Variants in SLC9A7 observed in about 807,000 individuals in gnomAD.
SLC9A7 encodes solute carrier family 9 member A7.
In SLC9A7, 19 loss-of-function variants were observed where a neutral mutation model predicts 52.6. The observed-to-expected ratio is 0.36, with a 90% CI of 0.25 to 0.53. SLC9A7 has a LOEUF of 0.53. SLC9A7 is among the 20% of genes least tolerant of loss of function. SLC9A7 has a pLI of 0.91. For synonymous variants in SLC9A7, 226 were observed against 252.1 expected (o/e 0.90, Z 0.98); for missense variants, 455 against 597.9 (o/e 0.76, Z 2.49).
At chrX:46,727,229 A>T (rs1270566025) in intron 1 of SLC9A7, among the ~76,000 whole-genome samples, 1 of 112,186 alleles carries the variant, frequency 8.9e-6, no homozygotes, top group African/African-American at 3.2e-5. Context: ...ACTCAGCCAC[A>T]CAGCCTGCTT....
At chrX:46,628,032 G>A (rs1036323226) in intron 14 of SLC9A7, among the ~76,000 whole-genome samples, 26 of 112,664 alleles carry the variant, frequency 2.3e-4, no homozygotes, top group African/African-American at 7.7e-4. Context: ...ACGCACACAC[G>A]TGTGCATATA....
intron 3 of SLC9A7, among the ~76,000 whole-genome samples, chrX:46,677,504 G>A (rs925327631): frequency 4.4e-5 from 5 of 112,465 alleles, no homozygotes; most frequent in Admixed American, 9.4e-5. Context: ...GAAACCTGGA[G>A]GAGAAGCAGT....
chrX:46,620,353 G>A (rs1180214895), intron 15 of SLC9A7, among the ~76,000 whole-genome samples: 6 of 111,810 alleles, frequency 5.4e-5, no homozygotes, highest in African/African-American at 2.0e-4. Context: ...CCTGGGAGGG[G>A]AAGGTTGCAG....
At chrX:46,666,214 G>A (rs938167476) in intron 5 of SLC9A7, among the ~76,000 whole-genome samples, 5 of 111,652 alleles carry the variant, frequency 4.5e-5, no homozygotes, top group Non-Finnish European at 5.6e-5. Context: ...TCAAGCAATC[G>A]TCTTGCCTCA....
intron 4 of SLC9A7, among the ~76,000 whole-genome samples, chrX:46,671,009 T>C (rs888265906): frequency 1.8e-5 from 2 of 111,931 alleles, no homozygotes; most frequent in Non-Finnish European, 3.8e-5. Context: ...AGTGTCATTC[T>C]TCAATAATAT....
intron 5 of SLC9A7, among the ~76,000 whole-genome samples, chrX:46,665,562 A>AAAAAAAAAAAAAAAAAAAAAG (rs1569513654): frequency 1.9e-5 from 2 of 105,749 alleles, no homozygotes; most frequent in Admixed American, 1.0e-4. Context: ...CATCTCAAAA[A>AAAAAAAAAAAAAAAAAAAAAG]AAAAAAAAAA....
intron 1 of SLC9A7, among the ~76,000 whole-genome samples, chrX:46,689,608 T>C (rs1404498348): frequency 9.1e-6 from 1 of 109,599 alleles, no homozygotes; most frequent in African/African-American, 3.3e-5. Flanking sequence ...TTTTTTTCAG[T>C]TCTTTTTTTT....
intron 5 of SLC9A7, 60 bp from the exon 6 acceptor site, chrX:46,662,703 T>C (rs1943845186): frequency 2.3e-6 from 2 of 869,701 alleles, no homozygotes; most frequent in African/African-American, 2.0e-5. Context: ...AATCACTGAT[T>C]ACAGATTTAT....
At chrX:46,726,593 C>T (rs186736051) in intron 1 of SLC9A7, among the ~76,000 whole-genome samples, 62 of 111,809 alleles carry the variant, frequency 5.5e-4, no homozygotes, top group Non-Finnish European at 9.0e-4. Flanking sequence ...TAATGCTAAC[C>T]TTCCATTTCA....
At chrX:46,663,344 AG>A (rs1485685149) in intron 5 of SLC9A7, among the ~76,000 whole-genome samples, 1 of 98,015 alleles carries the variant, frequency 1.0e-5, no homozygotes, top group African/African-American at 3.8e-5. Context: ...AAAAACAGAA[AG>A]AAAAAAAAAA....
intron 13 of SLC9A7, among the ~76,000 whole-genome samples, chrX:46,635,251 T>A (rs1162769079): frequency 9.0e-6 from 1 of 111,334 alleles, no homozygotes; most frequent in Non-Finnish European, 1.9e-5. Context: ...CAAGCAGGAT[T>A]TTGTGGGAAA....
At chrX:46,702,782 TC>T (rs1189911415) in intron 1 of SLC9A7, among the ~76,000 whole-genome samples, 2 of 112,406 alleles carry the variant, frequency 1.8e-5, no homozygotes, top group African/African-American at 6.5e-5. Flanking sequence ...CAATTTATAT[TC>T]CTTTGGATAT....
At chrX:46,674,341 T>C (rs1944074902) in intron 3 of SLC9A7, among the ~76,000 whole-genome samples, 1 of 112,576 alleles carries the variant, frequency 8.9e-6, no homozygotes, top group African/African-American at 3.2e-5. Flanking sequence ...CTCCCGTTCA[T>C]ATCTGCTGAT....
intron 1 of SLC9A7, among the ~76,000 whole-genome samples, chrX:46,735,571 C>T (rs995716082): frequency 8.9e-6 from 1 of 112,369 alleles, no homozygotes; most frequent in Non-Finnish European, 1.9e-5. Context: ...TCATTTCTGA[C>T]ATTCTTTGAT....
At chrX:46,680,776 C>T (rs1160056914) in intron 2 of SLC9A7, among the ~76,000 whole-genome samples, 1 of 112,234 alleles carries the variant, frequency 8.9e-6, no homozygotes, top group African/African-American at 3.2e-5. Context: ...ATTTTTAAAC[C>T]TTCATTCTAG....
At position 46,725,160 on chromosome X, in the gene SLC9A7, T is replaced by C. The variant is rs1602275032; in HGVS notation, c.325+33545A>G. 3 of 745,492 alleles carry C rather than the reference T, an allele frequency of 4.0e-6. No homozygotes were observed. In the East Asian group the frequency reaches 9.5e-5, roughly 24 times the overall value. The allele number at this position is 745,492 out of a possible 1,213,427, so 61.4% of individuals were successfully genotyped here. On this transcript the variant is annotated intron_variant, in intron 1 of 16. Coordinates refer to ENST00000616978, the MANE Select transcript of SLC9A7 (RefSeq NM_001257291.2). ...AAGATATACTTGAATGATGCCAATC[T>C]ATGAAGTAGGGATCTGTGGCAATCC...
chrX:46,653,243 A>C (rs1943612332), intron 8 of SLC9A7, among the ~76,000 whole-genome samples: 2 of 110,677 alleles, frequency 1.8e-5, no homozygotes, highest in South Asian at 7.7e-4. Context: ...ACAAAGAATA[A>C]AGAAGTTAGC....
intron 5 of SLC9A7, among the ~76,000 whole-genome samples, chrX:46,664,532 C>T (rs747455482): frequency 2.3e-4 from 26 of 111,298 alleles, no homozygotes; most frequent in Non-Finnish European, 4.3e-4. Context: ...ATAAGCCAAC[C>T]AGTCTTGTAA....
chrX:46,648,648 G>A, intron 11 of SLC9A7, 38 bp downstream of exon 11: 1 of 1,002,394 alleles, frequency 1.0e-6, no homozygotes, highest in Non-Finnish European at 1.4e-6. Flanking sequence ...GTTACCTGCT[G>A]AATAAAACTC....
Sources: allele counts gnomAD v4.1 joint callset (sites outside exome capture counted in the v4.1 genomes callset), GRCh38; gene constraint gnomAD v4.1.1; transcripts MANE v1.5; gene names NCBI Gene and HGNC (gene_info 2026-07-23, HGNC 2026-07-21).